Variants in FAM76A observed in about 807,000 individuals in gnomAD.
FAM76A encodes family with sequence similarity 76 member A.
A neutral mutation model predicts 46.2 loss-of-function variants in FAM76A; 32 were observed. The observed-to-expected ratio is 0.69, with a 90% CI of 0.52 to 0.93. FAM76A has a LOEUF of 0.93. Ranked by LOEUF, FAM76A falls within the 40% of genes least tolerant of loss-of-function variation. The pLI is 0.00. For missense variants in FAM76A, 274 were observed against 361.5 expected (o/e 0.76, Z 1.96); for synonymous variants, 137 against 127.0 (o/e 1.08, Z -0.53).
intron 6 of FAM76A, 149 bp from the exon 7 acceptor site, chr1:27,755,046 G>GT: frequency 1.2e-6 from 1 of 834,462 alleles, no homozygotes; most frequent in Non-Finnish European, 1.9e-6. Flanking sequence ...AGCAAGTGCC[G>GT]TTGAGCCCAG....
Position 27,732,583 on chromosome 1 carries a change from G to T in FAM76A, c.147-20G>T. 2 of 1,598,742 alleles carry T rather than the reference G, an allele frequency of 1.3e-6. No homozygotes were observed. Among genetic ancestry groups the T allele is most frequent in the Non-Finnish European group, 1.7e-6 (2 of 1,168,756 alleles). The stretch of plus-strand genomic sequence containing the variant: ...TTCAGATATTCTAAGAAAAGCCTGT[G>T]TCTCTTTCTTCCTTAACAGTAAAAC... On this transcript the variant is annotated intron_variant, in intron 2 of 8. Transcript: ENST00000373954.
chr1:27,742,088 G>A (rs1237177203), intron 4 of FAM76A, among the ~76,000 whole-genome samples: 3 of 152,072 alleles, frequency 2.0e-5, no homozygotes, highest in Admixed American at 2.0e-4. Flanking sequence ...ATGGGTTGGG[G>A]GATGGGGAGC....
At chr1:27,748,659 T>G (rs1046035897) in intron 5 of FAM76A, among the ~76,000 whole-genome samples, 4 of 150,880 alleles carry the variant, frequency 2.7e-5, no homozygotes, top group African/African-American at 9.7e-5. Context: ...TTTTTTGTAT[T>G]TTTAGTGGAG....
At chr1:27,729,731 TTTAGAG>T (rs1432775592) in intron 2 of FAM76A, among the ~76,000 whole-genome samples, 2 of 152,220 alleles carry the variant, frequency 1.3e-5, no homozygotes, top group Non-Finnish European at 2.9e-5. Context: ...CACAGCATTA[TTTAGAG>T]TTAAATATTT....
chr1:27,755,710 A>T (rs910239290), intron 7 of FAM76A, among the ~76,000 whole-genome samples: 7 of 152,112 alleles, frequency 4.6e-5, no homozygotes, highest in African/African-American at 1.7e-4. Context: ...AGTAGCTTGG[A>T]CTACAGGCAT....
At chr1:27,733,916 C>T (rs2148568116) in intron 3 of FAM76A, 115 bp from the exon 4 acceptor site, 9 of 981,064 alleles carry the variant, frequency 9.2e-6, no homozygotes, top group Admixed American at 6.1e-5. Flanking sequence ...TTTATGAAGT[C>T]GGCAATACAT....
rs773892912 is a variant in FAM76A, at chr1:27,759,583, A to G, written c.793A>G (p.Asn265Asp). 1 of 1,613,922 alleles carries G rather than the reference A, an allele frequency of 6.2e-7. No individual in the cohort carries two copies. Among genetic ancestry groups the G allele is most frequent in the South Asian group, 1.1e-5 (1 of 91,010 alleles). ...GGAATCGCAGATGAGAGCCAAAATG[A>G]ACCAGATGGAGAAAACCCACAAAGA... is the stretch of plus-strand genomic sequence containing the variant. The part of the protein sequence containing the change: ...YQESQMRAKM[N>D]QMEKTHKEVT... The change falls in exon 8 of 9, where the codon AAC (asparagine) becomes GAC (aspartate). Residue 265 changes from asparagine (N) to aspartate (D), a missense_variant. Physicochemically the swap from Asn to Asp is conservative, Grantham distance 23 (BLOSUM62 1). Transcript: ENST00000373954.
chr1:27,736,149 G>A (rs191275513), intron 4 of FAM76A, among the ~76,000 whole-genome samples: 14 of 151,954 alleles, frequency 9.2e-5, no homozygotes, highest in Admixed American at 3.9e-4. Flanking sequence ...ATGAAACCCC[G>A]TCTCTACCAA....
In FAM76A at chr1:27,744,731, A is replaced by C. The variant is rs1336640275; in HGVS notation, c.432A>C (p.Lys144Asn). ...RVLQKTKEQRKHLSSSSRAGH... is the reference protein window; with the variant it reads ...RVLQKTKEQRNHLSSSSRAGH... ...TTCAGAAGACCAAAGAGCAGAGGAA[A>C]CACCTGAGTAGCTCTTCTCGTGCTG... is the stretch of plus-strand genomic sequence containing the variant. The change falls in exon 5 of 9, where the codon AAA becomes AAC. Residue 144 changes from lysine to asparagine, a missense_variant. Coordinates refer to ENST00000373954, the MANE Select transcript of FAM76A (RefSeq NM_152660.3). 1 of 1,614,152 alleles carries C rather than the reference A, an allele frequency of 6.2e-7. No individual in the cohort carries two copies. Among genetic ancestry groups the C allele is most frequent in the Non-Finnish European group, 8.5e-7 (1 of 1,180,012 alleles).
intron 1 of FAM76A, 114 bp downstream of exon 1, chr1:27,726,275 C>A: frequency 2.0e-6 from 2 of 980,492 alleles, no homozygotes; most frequent in East Asian, 3.4e-5. Flanking sequence ...GGCAGGCCCG[C>A]CAGGCTGAGG....
intron 7 of FAM76A, 122 bp downstream of exon 7, chr1:27,755,452 C>A: frequency 7.7e-7 from 1 of 1,290,962 alleles, no homozygotes; most frequent in Non-Finnish European, 1.1e-6. Flanking sequence ...GTTGGGATAT[C>A]CTGGGGAGAG....
At position 27,759,549 on chromosome 1, in the gene FAM76A, T is replaced by G; in HGVS notation, c.759T>G (p.Phe253Leu). 1 of 1,613,432 alleles carries G rather than the reference T, an allele frequency of 6.2e-7. No individual in the cohort carries two copies. The highest frequency in any genetic ancestry group is 1.1e-5 in the South Asian group (1 of 90,876). ...AGATTACAGAGTTGAAGGCTGATTTTCAGTACCAGGAATCGCAGATGAGAG... is the reference window on the plus strand; with the variant it reads ...AGATTACAGAGTTGAAGGCTGATTTGCAGTACCAGGAATCGCAGATGAGAG... ...EKKITELKAD[F>L]QYQESQMRAK... Residue 253 changes from phenylalanine to leucine, a missense_variant, in exon 8 of 9, where the codon TTT becomes TTG. Physicochemically the swap from Phe to Leu is conservative, Grantham distance 22. Transcript: ENST00000373954.
Position 27,726,015 on chromosome 1 carries a change from G to A in FAM76A, c.-66G>A, listed in dbSNP as rs899932152. The A allele has an allele frequency of 1.6e-6, 2 of 1,213,734 alleles. No homozygotes were observed. Among genetic ancestry groups the A allele is most frequent in the South Asian group, 3.1e-5 (1 of 32,738 alleles). The allele number at this position is 1,213,734 out of a possible 1,614,324, so 75.2% of individuals were successfully genotyped here. On this transcript the variant is annotated 5_prime_UTR_variant, in exon 1 of 9. Coordinates refer to ENST00000373954, the MANE Select transcript of FAM76A (RefSeq NM_152660.3). ...CAGCCTGCAGCCGCCGCCGGGTTGT[G>A]CCTCAGACTGTCAGATAAATCGGCG...
At chr1:27,744,597 G>A (rs192017664) in intron 4 of FAM76A, 57 bp from the exon 5 acceptor site, 18 of 1,587,760 alleles carry the variant, frequency 1.1e-5, no homozygotes, top group East Asian at 2.2e-5. Flanking sequence ...CCAATACCAC[G>A]TTTGCAGCCA....
chr1:27,761,466 TTAAG>T lies in FAM76A; in HGVS notation c.*890_*893del, dbSNP rs2088509499. 1 of 152,586 alleles carries T rather than the reference TTAAG, an allele frequency of 6.6e-6. No homozygotes were observed. The highest frequency in any genetic ancestry group is 2.1e-4 in the South Asian group (1 of 4,822). 9.5% of individuals were successfully genotyped at this position (152,586 alleles called of 1,614,324 possible). On this transcript the variant is annotated 3_prime_UTR_variant, in exon 9 of 9. Coordinates refer to ENST00000373954, the MANE Select transcript of FAM76A (RefSeq NM_152660.3). ...GCAAAGATTTGAACCGTCTGTCTTT[TTAAG>T]TAAGGGCAGAAAGCAAGGTTGTCCA...
chr1:27,739,404 GC>G, intron 4 of FAM76A: 1 of 515,612 alleles, frequency 1.9e-6, no homozygotes, highest in Non-Finnish European at 3.9e-6. Context: ...GTGTCTTCAG[GC>G]CAACCTCGTG....
rs1382649559 is a variant in FAM76A, at chr1:27,734,095, C to A, written c.266C>A (p.Thr89Lys). The change falls in exon 4 of 9, where the codon ACA (threonine) becomes AAA (lysine). Residue 89 changes from threonine (T) to lysine (K), a missense_variant. Thr to Lys is a moderately conservative substitution (Grantham distance 78). Coordinates refer to ENST00000373954, the MANE Select transcript of FAM76A (RefSeq NM_152660.3). The stretch of plus-strand genomic sequence containing the variant: ...ATTGGGAATAAATGCCAGCGCTGCA[C>A]AAATTCAGAAAAGAAGTATGGACCA... ...AFIGNKCQRC[T>K]NSEKKYGPPY... 1 of 1,612,648 alleles carries A rather than the reference C, an allele frequency of 6.2e-7. No individual in the cohort carries two copies. Among genetic ancestry groups the A allele is most frequent in the Non-Finnish European group, 8.5e-7 (1 of 1,179,706 alleles).
chr1:27,758,060 G>A (rs10902670), intron 7 of FAM76A, among the ~76,000 whole-genome samples: 24,271 of 151,900 alleles, frequency 0.16, 5,025 homozygotes, highest in African/African-American at 0.48. Context: ...TCTTCTTAGG[G>A]GTTTCTGATC....
chr1:27,740,067 C>G (rs945382758), intron 4 of FAM76A: 8 of 407,442 alleles, frequency 2.0e-5, no homozygotes, highest in African/African-American at 1.7e-4. Flanking sequence ...CATGGATGGG[C>G]ACTTTGTTCC....
Sources: gnomAD v4.1 joint callset for allele counts (sites outside exome capture counted in the v4.1 genomes callset) on GRCh38, gnomAD v4.1.1 for gene constraint, MANE v1.5 for transcripts, NCBI Gene and HGNC (gene_info 2026-07-23, HGNC 2026-07-21) for gene names.